CYP46A1: variants seen among roughly 807,000 people sequenced by gnomAD.
CYP46A1 encodes cholesterol 24-hydroxylase.
A neutral mutation model predicts 63.3 loss-of-function variants in CYP46A1; 20 were observed. The ratio of observed to expected loss-of-function variants is 0.32; its 90% CI spans 0.22 to 0.46. The LOEUF is 0.46. Ranked by LOEUF, CYP46A1 falls within the 20% of genes least tolerant of loss-of-function variation. The probability of loss-of-function intolerance (pLI) is 1.00; values close to 1 mark genes in which losing one functional copy is unlikely to be tolerated. For synonymous variants in CYP46A1, 268 were observed against 273.6 expected, an observed-to-expected ratio of 0.98 and a Z score of 0.20; for missense variants, 445 against 670.8, an observed-to-expected ratio of 0.66 and a Z score of 3.72.
At chr14:99,701,754 A>G (rs1341850466) in intron 5 of CYP46A1, among the ~76,000 whole-genome samples, 1 of 152,224 alleles carries the variant, frequency 6.6e-6, no homozygotes, top group Non-Finnish European at 1.5e-5. Flanking sequence ...AGCACATTTT[A>G]GAACATTTTC....
Position 99,703,633 on chromosome 14 carries a change from T to A in CYP46A1, c.444-3014T>A, listed in dbSNP as rs1448269995. 25 of 985,258 alleles carry A rather than the reference T, an allele frequency of 2.5e-5. No homozygotes were observed. The South Asian group carries it at 1.1e-3, about 43-fold the overall frequency. 61.0% of individuals were successfully genotyped at this position (985,258 alleles called of 1,614,324 possible). ...TTCCTCCTTTGATACCCAGCTAAGA[T>A]GTCACCTACTGAGGCTGAGTTCATG... On this transcript the variant is annotated intron_variant, in intron 5 of 14. Coordinates refer to ENST00000261835, the MANE Select transcript of CYP46A1 (RefSeq NM_006668.2).
In CYP46A1 at chr14:99,699,924, T is replaced by C. The variant is rs1283112014; in HGVS notation, c.357-91T>C. On this transcript the variant is annotated intron_variant, in intron 4 of 14. Transcript: ENST00000261835. ...CGCCACCGCCTAGCTCCAATACCGT[T>C]TCCTCATCCCAAAATATGACCCCAA... The C allele has an allele frequency of 6.3e-6, 6 of 954,156 alleles. No individual in the cohort carries two copies. The East Asian group carries it at 1.6e-4, about 25-fold the overall frequency. 59.1% of individuals were successfully genotyped at this position (954,156 alleles called of 1,614,324 possible).
At chr14:99,717,309 A>T (rs1168530935) in intron 9 of CYP46A1, among the ~76,000 whole-genome samples, 1 of 151,818 alleles carries the variant, frequency 6.6e-6, no homozygotes, top group Non-Finnish European at 1.5e-5. Context: ...GCTATGGGGG[A>T]CTGGCCGAGG....
chr14:99,726,180 T>C lies in CYP46A1; in HGVS notation c.1266-10T>C. Reference sequence around the variant, plus strand: ...GCTGCTGGCCTCGTGATTCCTCTCTTTCCCTGCAGGCCACGGTTCACCTAC... The same window carrying C: ...GCTGCTGGCCTCGTGATTCCTCTCTCTCCCTGCAGGCCACGGTTCACCTAC... On this transcript the variant is annotated splice_polypyrimidine_tract_variant and intron_variant, in intron 13 of 14. Transcript: ENST00000261835. 1 of 1,613,586 alleles carries C rather than the reference T, an allele frequency of 6.2e-7. No homozygotes were observed. The highest frequency in any genetic ancestry group is 1.3e-5 in the African/African-American group (1 of 74,994).
intron 1 of CYP46A1, among the ~76,000 whole-genome samples, chr14:99,688,006 G>A (rs1181595131): frequency 6.6e-6 from 1 of 151,806 alleles, no homozygotes; most frequent in African/African-American, 2.4e-5. Flanking sequence ...TTTCTTGGTG[G>A]GCCATGAGGA....
At chr14:99,705,240 C>G (rs567968688) in intron 5 of CYP46A1, among the ~76,000 whole-genome samples, 12 of 152,230 alleles carry the variant, frequency 7.9e-5, no homozygotes, top group Non-Finnish European at 7.3e-5. Flanking sequence ...CAGGGTCTCA[C>G]TCTTTCACCC....
intron 7 of CYP46A1, among the ~76,000 whole-genome samples, chr14:99,715,234 A>T (rs2056777208): frequency 6.6e-6 from 1 of 152,252 alleles, no homozygotes; most frequent in Non-Finnish European, 1.5e-5. Flanking sequence ...TCATGTATCA[A>T]AATATCACAT....
chr14:99,692,305 C>T lies in CYP46A1; in HGVS notation c.282+444C>T, dbSNP rs551920276. ...TTTCTATGCACTTCACAATTAGTGA[C>T]GCATTTAATCCTCATAGGAGTAGGG... On this transcript the variant is annotated intron_variant, in intron 3 of 14. Coordinates refer to ENST00000261835, the MANE Select transcript of CYP46A1 (RefSeq NM_006668.2). 1.2e-4 allele frequency among the ~76,000 whole-genome samples: 19 copies of T among 152,342 alleles called. No homozygotes were observed. The South Asian group carries it at 1.7e-3, about 13-fold the overall frequency.
At chr14:99,699,980 C>A in intron 4 of CYP46A1, 35 bp from the exon 5 acceptor site, 1 of 585,404 alleles carries the variant, frequency 1.7e-6, no homozygotes, top group Non-Finnish European at 2.8e-6. Flanking sequence ...CCACCCCCCA[C>A]CCTCTTTCCC....
chr14:99,705,628 A>C (rs2056669364), intron 5 of CYP46A1, among the ~76,000 whole-genome samples: 1 of 152,264 alleles, frequency 6.6e-6, no homozygotes, highest in Non-Finnish European at 1.5e-5. Flanking sequence ...TTAATATTAA[A>C]AGATTAACAT....
chr14:99,718,095 G>T lies in CYP46A1; in HGVS notation c.949G>T (p.Glu317Ter). 1 of 1,614,170 alleles carries T rather than the reference G, an allele frequency of 6.2e-7. No homozygotes were observed. Among genetic ancestry groups the T allele is most frequent in the Non-Finnish European group, 8.5e-7 (1 of 1,179,998 alleles). ...SANHLAFTVMELSRQPEIVAR... is the reference protein window; with the variant it reads ...SANHLAFTVM ...CAACCACTTGGCGTTCACAGTGATG[G>T]AGCTGTCTCGCCAGCCAGAGATCGT... The change falls in exon 10 of 15, where the codon GAG becomes TAG. Residue 317 changes from glutamate (E) to a stop codon, truncating the protein, a stop_gained. Transcript: ENST00000261835. LOFTEE classifies it high-confidence loss of function.
At chr14:99,684,718 C>G in intron 1 of CYP46A1, 182 bp downstream of exon 1, 2 of 659,968 alleles carry the variant, frequency 3.0e-6, no homozygotes, top group East Asian at 3.0e-5. Context: ...GCCGCAGCAG[C>G]TGCTGGGCGC....
intron 7 of CYP46A1, among the ~76,000 whole-genome samples, chr14:99,715,314 G>T (rs2056777960): frequency 6.6e-6 from 1 of 152,168 alleles, no homozygotes; most frequent in African/African-American, 2.4e-5. Context: ...GATGGCTGCT[G>T]CAGCTCCACA....
At chr14:99,703,342 T>C (rs1228596646) in intron 5 of CYP46A1, among the ~76,000 whole-genome samples, 2 of 152,226 alleles carry the variant, frequency 1.3e-5, no homozygotes, top group Non-Finnish European at 2.9e-5. Flanking sequence ...ACCCTCCTCC[T>C]GTCTCCCTCC....
At chr14:99,711,981 A>G (rs2056736426) in intron 7 of CYP46A1, 2 of 152,212 alleles carry the variant, frequency 1.3e-5, no homozygotes, top group Non-Finnish European at 2.9e-5. Flanking sequence ...GTGCTTCAAC[A>G]TACACAAGTC....
chr14:99,721,388 T>C (rs2056845115), intron 11 of CYP46A1, 65 bp downstream of exon 11: 2 of 1,116,480 alleles, frequency 1.8e-6, no homozygotes, highest in Non-Finnish European at 2.7e-6. Context: ...GCCTGCTTCC[T>C]CCCTGGACCT....
chr14:99,692,891 T>C (rs2056556050), intron 3 of CYP46A1, among the ~76,000 whole-genome samples: 1 of 152,066 alleles, frequency 6.6e-6, no homozygotes, highest in Non-Finnish European at 1.5e-5. Flanking sequence ...TTGTCTGTCC[T>C]GTCTGCCATG....
chr14:99,721,125 G>A (rs1342890426), intron 10 of CYP46A1, 114 bp from the exon 11 acceptor site: 1 of 736,248 alleles, frequency 1.4e-6, no homozygotes, highest in African/African-American at 1.7e-5. Flanking sequence ...GTTTGTGAGT[G>A]GGGAGCCCCA....
chr14:99,714,811 C>T lies in CYP46A1; in HGVS notation c.694-999C>T, dbSNP rs144965233. Among the ~76,000 whole-genome samples, 726 of 151,282 alleles carry T rather than the reference C, an allele frequency of 4.8e-3. 12 individuals carry two copies. In the Middle Eastern group the frequency reaches 0.052, roughly 11 times the overall value. ...ATTTGATGTATATACACATGGAATG[C>T]TATTTGCCCATAAGAAAGAATGAAA... is the stretch of plus-strand genomic sequence containing the variant. On this transcript the variant is annotated intron_variant, in intron 7 of 14. Transcript: ENST00000261835.
Sources: allele counts gnomAD v4.1 joint callset (sites outside exome capture counted in the v4.1 genomes callset), GRCh38; gene constraint gnomAD v4.1.1; transcripts MANE v1.5; gene names NCBI Gene and HGNC (gene_info 2026-07-23, HGNC 2026-07-21).